The following CTDSPL variants were observed in gnomAD, a reference collection of about 807,000 sequenced individuals.
CTDSPL encodes CTD small phosphatase-like protein.
Under a neutral mutation model 30.5 loss-of-function variants are expected in CTDSPL, and 8 were observed. That is an observed-to-expected ratio of 0.26 (90% confidence interval 0.15 to 0.47). The LOEUF (loss-of-function observed/expected upper bound fraction) is 0.47, where lower values mean the gene tolerates loss of function less well. Ranked by LOEUF, CTDSPL falls within the 20% of genes least tolerant of loss-of-function variation. The probability of loss-of-function intolerance (pLI) is 0.99; values close to 1 mark genes in which losing one functional copy is unlikely to be tolerated. For missense variants in CTDSPL, 248 were observed against 366.1 expected, an observed-to-expected ratio of 0.68 and a Z score of 2.63; for synonymous variants, 110 against 137.9, an observed-to-expected ratio of 0.80 and a Z score of 1.42.
chr3:37,968,923 C>T (rs542738218), intron 5 of CTDSPL, among the ~76,000 whole-genome samples: 1 of 152,344 alleles, frequency 6.6e-6, no homozygotes, highest in Non-Finnish European at 1.5e-5. Context: ...CCTCCCATGT[C>T]CTTGCTTTCT....
intron 2 of CTDSPL, among the ~76,000 whole-genome samples, chr3:37,949,833 C>T: frequency 6.6e-6 from 1 of 152,170 alleles, no homozygotes; most frequent in South Asian, 2.1e-4. Context: ...CTGGTGGAGC[C>T]TGGAAAGTGC....
intron 1 of CTDSPL, among the ~76,000 whole-genome samples, chr3:37,925,726 C>A (rs917781928): frequency 6.6e-6 from 1 of 152,026 alleles, no homozygotes; most frequent in Non-Finnish European, 1.5e-5. Flanking sequence ...TGTTGGGGTA[C>A]ATGTGGAAGC....
chr3:37,873,503 G>C (rs1293516006), intron 1 of CTDSPL, among the ~76,000 whole-genome samples: 1 of 152,146 alleles, frequency 6.6e-6, no homozygotes, highest in Non-Finnish European at 1.5e-5. Flanking sequence ...AAGGTCCCTA[G>C]CTGATCTGCT....
chr3:37,893,309 G>A (rs1387845477), intron 1 of CTDSPL, among the ~76,000 whole-genome samples: 1 of 152,214 alleles, frequency 6.6e-6, no homozygotes, highest in African/African-American at 2.4e-5. Flanking sequence ...TTACCAACAG[G>A]TTCTTTGGTA....
chr3:37,967,008 A>G (rs1699306294), intron 4 of CTDSPL, among the ~76,000 whole-genome samples: 1 of 152,234 alleles, frequency 6.6e-6, no homozygotes, highest in South Asian at 2.1e-4. Flanking sequence ...ATGACTGCTG[A>G]AGAATCATAT....
chr3:37,916,315 G>GT (rs957776173), intron 1 of CTDSPL, among the ~76,000 whole-genome samples: 7 of 151,916 alleles, frequency 4.6e-5, no homozygotes, highest in South Asian at 2.1e-4. Flanking sequence ...TATTTCAGGT[G>GT]TTTTTTTTAC....
intron 1 of CTDSPL, among the ~76,000 whole-genome samples, chr3:37,929,481 G>A (rs1280526231): frequency 1.3e-5 from 2 of 152,128 alleles, no homozygotes; most frequent in Non-Finnish European, 2.9e-5. Flanking sequence ...GTAGTTTTCA[G>A]TGTACACATT....
intron 1 of CTDSPL, among the ~76,000 whole-genome samples, chr3:37,913,431 A>T (rs941971366): frequency 3.3e-5 from 5 of 152,218 alleles, no homozygotes; most frequent in Non-Finnish European, 5.9e-5. Context: ...TGACCTCTAT[A>T]TTCAGGCTGG....
intron 2 of CTDSPL, among the ~76,000 whole-genome samples, chr3:37,947,870 G>T (rs60111624): frequency 0.012 from 1,760 of 152,330 alleles, 31 homozygotes; most frequent in African/African-American, 0.039. Context: ...TAACAAACAT[G>T]TTATATATTC....
rs1235508638 is a variant in CTDSPL, at chr3:37,911,409, T to C, written c.80-35648T>C. Reference sequence around the variant, plus strand: ...TGCAGAGTGGTGACTTCCCTTTTGTTACTCTGCGAAAACTGGGAGAAAATT... The same window carrying C: ...TGCAGAGTGGTGACTTCCCTTTTGTCACTCTGCGAAAACTGGGAGAAAATT... On this transcript the variant is annotated intron_variant, in intron 1 of 7. Coordinates refer to ENST00000273179, the MANE Select transcript of CTDSPL (RefSeq NM_001008392.2). 3.3e-5 allele frequency among the ~76,000 whole-genome samples: 5 copies of C among 152,292 alleles called. No individual in the cohort carries two copies. The South Asian group carries it at 8.3e-4, about 25-fold the overall frequency.
chr3:37,908,760 G>A (rs191542679), intron 1 of CTDSPL, among the ~76,000 whole-genome samples: 21 of 152,342 alleles, frequency 1.4e-4, no homozygotes, highest in Admixed American at 6.5e-4. Flanking sequence ...TCCACTAGCA[G>A]TGTGTTCTTG....
At chr3:37,898,626 C>T (rs944261390) in intron 1 of CTDSPL, among the ~76,000 whole-genome samples, 3 of 152,140 alleles carry the variant, frequency 2.0e-5, no homozygotes, top group Non-Finnish European at 2.9e-5. Flanking sequence ...GCTTGACTCA[C>T]ATTCTATTTG....
In CTDSPL at chr3:37,865,825, C is replaced by T. The variant is rs1489009603; in HGVS notation, c.79+3547C>T. 2.6e-5 allele frequency among the ~76,000 whole-genome samples: 4 copies of T among 152,230 alleles called. No individual in the cohort carries two copies. The East Asian group carries it at 7.7e-4, about 29-fold the overall frequency. ...GAAACGCAAAAACATTCCTAGGGAC[C>T]ACCCAGAAAACTTTGCTGATGTTTA... On this transcript the variant is annotated intron_variant, in intron 1 of 7. Transcript: ENST00000273179.
chr3:37,898,998 T>G (rs1698419577), intron 1 of CTDSPL, among the ~76,000 whole-genome samples: 4 of 152,014 alleles, frequency 2.6e-5, no homozygotes, highest in Admixed American at 2.6e-4. Context: ...AGTGAGTGAA[T>G]GAGGAGGAAA....
At chr3:37,955,814 A>G (rs939185146) in intron 2 of CTDSPL, among the ~76,000 whole-genome samples, 2 of 151,256 alleles carry the variant, frequency 1.3e-5, no homozygotes, top group East Asian at 3.9e-4. Context: ...TATATAACAA[A>G]CCTGCACATG....
rs596963 is a variant in CTDSPL, at chr3:37,862,240, A to C, written c.41A>C (p.Lys14Thr). The C allele has an allele frequency of 2.7e-6, 4 of 1,486,196 alleles. No individual in the cohort carries two copies. Among genetic ancestry groups the C allele is most frequent in the African/African-American group, 1.5e-5 (1 of 67,806 alleles). 92.1% of individuals were successfully genotyped at this position (1,486,196 alleles called of 1,614,324 possible). ...ATCATCACCCAGGTGACCAACCCCAAGGAGGACGAGGGCCGGTTGCCGGGC... is the reference window on the plus strand; with the variant it reads ...ATCATCACCCAGGTGACCAACCCCACGGAGGACGAGGGCCGGTTGCCGGGC... ...PAIITQVTNP[K>T]EDEGRLPGAG... The change falls in exon 1 of 8, where the codon AAG (lysine) becomes ACG (threonine). Residue 14 changes from lysine to threonine, a missense_variant. This residue lies in a region of CTDSPL where 118 missense variants were observed against 124.7 expected (regional missense o/e 0.95). Coordinates refer to ENST00000273179, the MANE Select transcript of CTDSPL (RefSeq NM_001008392.2). The surrounding 1 kb of genome is among the most constrained non-coding windows in gnomAD (Gnocchi z 4.3).
In CTDSPL at chr3:37,920,391, C is replaced by T. The variant is rs185682920; in HGVS notation, c.80-26666C>T. Among the ~76,000 whole-genome samples the T allele has an allele frequency of 2.8e-3, 422 of 152,330 alleles. 3 individuals carry two copies. Among genetic ancestry groups the T allele is most frequent in the African/African-American group, 9.1e-3 (377 of 41,578 alleles). ...GAGTTGACTTGTCTGGTGCTGGAAG[C>T]AGGAATGTGAGCTGCTGCGACTGCA... On this transcript the variant is annotated intron_variant, in intron 1 of 7. Transcript: ENST00000273179.
chr3:37,908,213 T>C (rs1217381471), intron 1 of CTDSPL, among the ~76,000 whole-genome samples: 4 of 152,244 alleles, frequency 2.6e-5, no homozygotes, highest in African/African-American at 9.6e-5. Context: ...ACTCACCACC[T>C]GGTAGCCCCC....
intron 6 of CTDSPL, among the ~76,000 whole-genome samples, chr3:37,973,854 C>G (rs529265161): frequency 6.6e-6 from 1 of 152,242 alleles, no homozygotes; most frequent in Non-Finnish European, 1.5e-5. Context: ...TTCTCTAAGG[C>G]CTGGAGGCCT....
Sources: allele counts gnomAD v4.1 joint callset (sites outside exome capture counted in the v4.1 genomes callset), GRCh38; gene constraint gnomAD v4.1.1; regional missense constraint gnomAD v4.1.1; non-coding constraint Gnocchi (gnomAD v3.1); transcripts MANE v1.5; gene names NCBI Gene and HGNC (gene_info 2026-07-23, HGNC 2026-07-21).